The following GRID1 variants were observed in gnomAD, a reference collection of about 807,000 sequenced individuals.
GRID1 encodes the protein glutamate receptor ionotropic, delta-1.
GRID1 carries 28 observed loss-of-function variants against 98.0 expected under a neutral mutation model. The observed-to-expected ratio is 0.29, with a 90% CI of 0.21 to 0.39. GRID1 has a LOEUF of 0.39. Ranked by LOEUF, GRID1 falls within the 10% of genes least tolerant of loss-of-function variation. The pLI, the probability that GRID1 is intolerant of heterozygous loss-of-function variation, is 1.00. For synonymous variants in GRID1, 553 were observed against 538.5 expected (o/e 1.03, Z -0.37); for missense variants, 1,111 against 1,340.5 (o/e 0.83, Z 2.67).
At chr10:85,868,481 T>C (rs572181858) in intron 6 of GRID1, among the ~76,000 whole-genome samples, 2 of 152,298 alleles carry the variant, frequency 1.3e-5, no homozygotes, top group East Asian at 3.9e-4. Context: ...GAAGGAACCA[T>C]GCGGGTGGGG....
chr10:85,675,259 C>T (rs1428286774), intron 12 of GRID1, among the ~76,000 whole-genome samples: 1 of 152,204 alleles, frequency 6.6e-6, no homozygotes, highest in African/African-American at 2.4e-5. Context: ...TGATGAGGCA[C>T]ATTAGGGCTA....
intron 4 of GRID1, among the ~76,000 whole-genome samples, chr10:86,063,635 GC>G (rs1843678803): frequency 1.3e-5 from 2 of 152,262 alleles, no homozygotes; most frequent in South Asian, 2.1e-4. Flanking sequence ...ATACTTTGCA[GC>G]TTTTAGAAAT....
intron 4 of GRID1, among the ~76,000 whole-genome samples, chr10:86,030,736 T>C (rs73344004): frequency 5.9e-5 from 9 of 152,162 alleles, no homozygotes; most frequent in Non-Finnish European, 1.2e-4. Context: ...AGTAAGGGTA[T>C]GGGAGTCCTC....
At chr10:85,806,501 T>C (rs1842624143) in intron 8 of GRID1, among the ~76,000 whole-genome samples, 1 of 152,068 alleles carries the variant, frequency 6.6e-6, no homozygotes, top group Non-Finnish European at 1.5e-5. Context: ...ACACAAATAA[T>C]TGCATGTGAA....
At chr10:85,901,951 T>G (rs573836780) in intron 5 of GRID1, among the ~76,000 whole-genome samples, 10 of 152,330 alleles carry the variant, frequency 6.6e-5, no homozygotes, top group African/African-American at 2.4e-4. Context: ...GTGATTAACA[T>G]ATAGAAGTGC....
intron 3 of GRID1, among the ~76,000 whole-genome samples, chr10:86,179,140 AC>A (rs1845618543): frequency 6.6e-6 from 1 of 151,976 alleles, no homozygotes; most frequent in Non-Finnish European, 1.5e-5. Context: ...AAGACAGTAC[AC>A]AGGCTAAGTT....
intron 8 of GRID1, among the ~76,000 whole-genome samples, chr10:85,840,693 C>T (rs1842953473): frequency 6.6e-6 from 1 of 151,916 alleles, no homozygotes; most frequent in African/African-American, 2.4e-5. Context: ...ATACATCAAC[C>T]ACTGTAAAGC....
intron 8 of GRID1, among the ~76,000 whole-genome samples, chr10:85,784,334 C>T (rs1254187567): frequency 1.3e-5 from 2 of 152,162 alleles, no homozygotes; most frequent in African/African-American, 4.8e-5. Context: ...CAGCATGCAC[C>T]TCAGGTGTGT....
chr10:85,793,195 C>G (rs1352621408), intron 8 of GRID1, among the ~76,000 whole-genome samples: 4 of 152,172 alleles, frequency 2.6e-5, no homozygotes, highest in Non-Finnish European at 5.9e-5. Context: ...CTGCCTCAAC[C>G]AGAAGCAACT....
intron 2 of GRID1, among the ~76,000 whole-genome samples, chr10:86,314,857 A>G (rs958642779): frequency 6.6e-6 from 1 of 152,158 alleles, no homozygotes; most frequent in Admixed American, 6.5e-5. Flanking sequence ...GAAAGGCCAC[A>G]TGGTGCAGAG....
At chr10:86,135,061 ACCAGCAGG>A (rs1844900560) in intron 4 of GRID1, among the ~76,000 whole-genome samples, 1 of 152,214 alleles carries the variant, frequency 6.6e-6, no homozygotes, top group African/African-American at 2.4e-5. Flanking sequence ...TCCAGCAGCC[ACCAGCAGG>A]ATTCCCAGAG....
chr10:85,620,123 G>T, intron 13 of GRID1, 90 bp from the exon 14 acceptor site: 2 of 1,075,312 alleles, frequency 1.9e-6, no homozygotes, highest in Non-Finnish European at 2.8e-6. Flanking sequence ...GGGATTTGAG[G>T]GACCCATCCT....
At chr10:85,621,633 T>C (rs1236606444) in intron 13 of GRID1, among the ~76,000 whole-genome samples, 1 of 152,124 alleles carries the variant, frequency 6.6e-6, no homozygotes, top group African/African-American at 2.4e-5. Flanking sequence ...CCTGTGCCAC[T>C]CATTGACTTT....
At chr10:86,042,486 G>A (rs554397321) in intron 4 of GRID1, among the ~76,000 whole-genome samples, 1 of 152,290 alleles carries the variant, frequency 6.6e-6, no homozygotes, top group African/African-American at 2.4e-5. Flanking sequence ...CAGGACCAAG[G>A]GGAGAGCAGG....
At chr10:86,119,851 C>A (rs1002807664) in intron 4 of GRID1, among the ~76,000 whole-genome samples, 1 of 152,082 alleles carries the variant, frequency 6.6e-6, no homozygotes, top group Non-Finnish European at 1.5e-5. Context: ...AGTGCAGTCG[C>A]GCCATCTCAG....
intron 12 of GRID1, among the ~76,000 whole-genome samples, chr10:85,718,702 TAGGGCCCAGCCCATGAC>T (rs1025508252): frequency 5.3e-5 from 8 of 152,328 alleles, no homozygotes; most frequent in Admixed American, 2.0e-4. Context: ...CACAGGGACC[TAGGGCCCAGCCCATGAC>T]ACCACATTTT....
intron 8 of GRID1, among the ~76,000 whole-genome samples, chr10:85,821,855 C>T (rs189976403): frequency 1.7e-3 from 259 of 152,216 alleles, no homozygotes; most frequent in African/African-American, 5.9e-3. Flanking sequence ...ACCAATGGAA[C>T]AGAACAGAGC....
At chr10:85,711,368 A>T (rs772906992) in intron 12 of GRID1, among the ~76,000 whole-genome samples, 63 of 151,982 alleles carry the variant, frequency 4.1e-4, no homozygotes, top group Admixed American at 1.6e-3. Flanking sequence ...AATGGAAATA[A>T]GCCATTCATA....
intron 4 of GRID1, among the ~76,000 whole-genome samples, chr10:85,940,082 AAAAAAAG>A (rs1248271351): frequency 6.6e-6 from 1 of 151,712 alleles, no homozygotes; most frequent in Non-Finnish European, 1.5e-5. Context: ...AAAAAAAAAA[AAAAAAAG>A]AGAGAGAGAG....
Sources: allele counts gnomAD v4.1 joint callset (sites outside exome capture counted in the v4.1 genomes callset), GRCh38; gene constraint gnomAD v4.1.1; transcripts MANE v1.5; gene names NCBI Gene and HGNC (gene_info 2026-07-23, HGNC 2026-07-21).